CLASP1: variants seen among roughly 807,000 people sequenced by gnomAD.
The protein encoded by CLASP1 is CLIP-associating protein 1.
A neutral mutation model predicts 192.3 loss-of-function variants in CLASP1; 38 were observed. The observed-to-expected ratio is 0.20, with a 90% CI of 0.15 to 0.26. CLASP1 has a LOEUF of 0.26. Among genes scored for constraint, CLASP1 ranks in the 10% least tolerant of loss-of-function variants. The pLI is 1.00. For missense variants in CLASP1, 1,433 were observed against 1,932.5 expected, an observed-to-expected ratio of 0.74 and a Z score of 4.85; for synonymous variants, 691 against 712.8, an observed-to-expected ratio of 0.97 and a Z score of 0.49.
intron 2 of CLASP1, among the ~76,000 whole-genome samples, chr2:121,545,853 T>C (rs1008429841): frequency 4.6e-5 from 7 of 151,384 alleles, no homozygotes; most frequent in Non-Finnish European, 1.0e-4. Flanking sequence ...GGTAAAACTG[T>C]AGAGGTTAAA....
Position 121,393,265 on chromosome 2 carries a change from T to TA in CLASP1, c.3123+3874dup, listed in dbSNP as rs1232333030. 2.6e-5 allele frequency among the ~76,000 whole-genome samples: 4 copies of TA among 152,218 alleles called. No individual in the cohort carries two copies. The South Asian group carries it at 6.2e-4, about 24-fold the overall frequency. ...TCTTCTGTATTTGGAATACCTACCC[T>TA]AAAAAAATTAAAGCAGGACATTCAC... On this transcript the variant is annotated intron_variant, in intron 30 of 39. Transcript: ENST00000263710.
chr2:121,408,893 T>C, intron 24 of CLASP1: 1 of 735,588 alleles, frequency 1.4e-6, no homozygotes, highest in Admixed American at 2.7e-5. Context: ...GAATCACTGT[T>C]ATGATTCAAC....
chr2:121,485,747 T>C (rs2092930676), intron 8 of CLASP1, among the ~76,000 whole-genome samples: 1 of 152,132 alleles, frequency 6.6e-6, no homozygotes, highest in Admixed American at 6.5e-5. Flanking sequence ...GGGGCGCCTG[T>C]AATCCCAGCT....
At chr2:121,596,865 C>T (rs764881683) in intron 2 of CLASP1, among the ~76,000 whole-genome samples, 1 of 152,112 alleles carries the variant, frequency 6.6e-6, no homozygotes, top group Non-Finnish European at 1.5e-5. Context: ...CACTGTGCAC[C>T]GCCCTCTCAT....
intron 2 of CLASP1, among the ~76,000 whole-genome samples, chr2:121,558,722 T>G (rs1307207283): frequency 1.3e-5 from 2 of 152,172 alleles, no homozygotes; most frequent in Admixed American, 1.3e-4. Context: ...TTACAATAAT[T>G]TATCCAGTTT....
intron 8 of CLASP1, among the ~76,000 whole-genome samples, chr2:121,491,221 C>A (rs1275122176): frequency 6.6e-6 from 1 of 152,112 alleles, no homozygotes; most frequent in Non-Finnish European, 1.5e-5. Context: ...GTATAAGAGC[C>A]AATAATGTTA....
intron 21 of CLASP1, 55 bp from the exon 22 acceptor site, chr2:121,425,361 A>G (rs1357404729): frequency 1.3e-6 from 2 of 1,484,304 alleles, no homozygotes; most frequent in Non-Finnish European, 1.8e-6. Context: ...GGAATGAACT[A>G]TAATACTTTC....
chr2:121,519,698 C>G (rs1024923838), intron 6 of CLASP1, among the ~76,000 whole-genome samples: 1 of 152,192 alleles, frequency 6.6e-6, no homozygotes, highest in Non-Finnish European at 1.5e-5. Flanking sequence ...AAACCAACAT[C>G]TTTATCCTTT....
intron 26 of CLASP1, chr2:121,402,769 G>T: frequency 2.4e-6 from 1 of 425,500 alleles, no homozygotes; most frequent in Non-Finnish European, 4.6e-6. Flanking sequence ...AAATCTTACT[G>T]CTTTTACCAC....
intron 8 of CLASP1, among the ~76,000 whole-genome samples, chr2:121,486,649 A>G (rs533009700): frequency 2.0e-5 from 3 of 152,334 alleles, no homozygotes; most frequent in Non-Finnish European, 4.4e-5. Context: ...ATAGGCACAA[A>G]AGTAAGTCAG....
intron 2 of CLASP1, among the ~76,000 whole-genome samples, chr2:121,537,165 G>C (rs569100231): frequency 1.3e-5 from 2 of 152,254 alleles, no homozygotes; most frequent in South Asian, 4.1e-4. Flanking sequence ...GTCAAGGCAG[G>C]CAGATCGCTT....
chr2:121,444,660 TC>T (rs1157983230), intron 19 of CLASP1, among the ~76,000 whole-genome samples: 1 of 151,858 alleles, frequency 6.6e-6, no homozygotes, highest in African/African-American at 2.4e-5. Flanking sequence ...ACATCAATGC[TC>T]CTCCCCAGAG....
intron 19 of CLASP1, among the ~76,000 whole-genome samples, chr2:121,442,233 A>C (rs988571976): frequency 6.6e-6 from 1 of 152,200 alleles, no homozygotes; most frequent in Non-Finnish European, 1.5e-5. Context: ...CATAAAAGAC[A>C]TTATGTTTCC....
chr2:121,442,697 C>G (rs967636067), intron 19 of CLASP1, among the ~76,000 whole-genome samples: 5 of 152,118 alleles, frequency 3.3e-5, no homozygotes, highest in Admixed American at 6.5e-5. Context: ...TCAGGCTGGT[C>G]TCGAACTCCT....
intron 38 of CLASP1, among the ~76,000 whole-genome samples, chr2:121,348,050 C>T (rs919940122): frequency 2.0e-5 from 3 of 150,898 alleles, no homozygotes; most frequent in African/African-American, 2.4e-5. Context: ...TCCTCTGAGG[C>T]AGTCCACACA....
rs573479121 is a variant in CLASP1, at chr2:121,385,418, T to C, written c.3374+1704A>G. On this transcript the variant is annotated intron_variant, in intron 32 of 39. Transcript: ENST00000263710. ...TGAACTACTGAATATTGAAAATAAA[T>C]CTCTTTGTTTCTTCCACTGATCTGT... Among the ~76,000 whole-genome samples the C allele has an allele frequency of 5.9e-4, 90 of 152,308 alleles. No homozygotes were observed. The South Asian group carries it at 0.01, about 18-fold the overall frequency.
intron 23 of CLASP1, 64 bp from the exon 25 acceptor site, chr2:121,411,033 G>A: frequency 9.7e-7 from 1 of 1,031,080 alleles, no homozygotes; most frequent in Non-Finnish European, 1.4e-6. Flanking sequence ...TTCCTTGCAA[G>A]GACTACTGCC....
chr2:121,530,591 T>G (rs757479606), intron 2 of CLASP1: 1 of 527,616 alleles, frequency 1.9e-6, no homozygotes, highest in Non-Finnish European at 3.4e-6. Flanking sequence ...TAGCTGCGGG[T>G]GGAGTTCAAG....
Position 121,478,897 on chromosome 2 carries a change from ACAC to A in CLASP1, c.713-8940_713-8938del, listed in dbSNP as rs1559369154. ...CACACCACACACACACCACACACACACACCACACCACACACACCACACACACAC... is the reference window on the plus strand; with the variant it reads ...CACACCACACACACACCACACACACACACACCACACACACCACACACACAC... On this transcript the variant is annotated intron_variant, in intron 8 of 39. Transcript: ENST00000263710. 2.9e-3 allele frequency among the ~76,000 whole-genome samples: 165 copies of A among 57,448 alleles called. 2 individuals carry two copies. The highest frequency in any genetic ancestry group is 7.4e-3 in the African/African-American group (87 of 11,720). 37.7% of individuals were successfully genotyped at this position (57,448 alleles called of 152,430 possible).
Sources: allele counts gnomAD v4.1 joint callset (sites outside exome capture counted in the v4.1 genomes callset), GRCh38; gene constraint gnomAD v4.1.1; transcripts MANE v1.5; gene names NCBI Gene and HGNC (gene_info 2026-07-23, HGNC 2026-07-21).